ZW10: variants seen among roughly 807,000 people sequenced by gnomAD.
The protein encoded by ZW10 is centromere/kinetochore protein zw10 homolog.
A neutral mutation model predicts 87.8 loss-of-function variants in ZW10; 53 were observed. The ratio of observed to expected loss-of-function variants is 0.60; its 90% CI spans 0.48 to 0.76. The LOEUF (loss-of-function observed/expected upper bound fraction) is 0.76. Among genes scored for constraint, ZW10 ranks in the 30% least tolerant of loss-of-function variants. The pLI is 0.00. For missense variants in ZW10, 837 were observed against 923.0 expected, an observed-to-expected ratio of 0.91 and a Z score of 1.21; for synonymous variants, 312 against 329.2, an observed-to-expected ratio of 0.95 and a Z score of 0.57.
At chr11:113,771,018 G>C (rs4430548) in intron 1 of ZW10, among the ~76,000 whole-genome samples, 18 of 145,856 alleles carry the variant, frequency 1.2e-4, no homozygotes, top group Non-Finnish European at 1.9e-4. Flanking sequence ...CGTCGCCCAG[G>C]CTGGACTGCA....
intron 1 of ZW10, chr11:113,771,672 TTG>T (rs1953969588): frequency 6.6e-6 from 1 of 152,060 alleles, no homozygotes; most frequent in Non-Finnish European, 1.5e-5. Context: ...TAAATTGATT[TTG>T]TTTTTCTTTT....
At chr11:113,766,895 T>C (rs1348270773) in intron 2 of ZW10, among the ~76,000 whole-genome samples, 1 of 151,638 alleles carries the variant, frequency 6.6e-6, no homozygotes, top group African/African-American at 2.4e-5. Flanking sequence ...CACACGCCTG[T>C]AATCCCAGCT....
intron 7 of ZW10, among the ~76,000 whole-genome samples, chr11:113,753,116 G>A (rs1240810934): frequency 1.3e-5 from 2 of 151,770 alleles, no homozygotes; most frequent in Non-Finnish European, 2.9e-5. Flanking sequence ...ATAGATTATT[G>A]CATCACCCAG....
chr11:113,747,585 A>G lies in ZW10; in HGVS notation c.1218T>C (p.Asp406=). The G allele has an allele frequency of 6.2e-7, 1 of 1,613,742 alleles. No individual in the cohort carries two copies. The highest frequency in any genetic ancestry group is 8.5e-7 in the Non-Finnish European group (1 of 1,179,758). Residue 406 remains aspartate, a synonymous_variant, in exon 9 of 16, where the codon GAT becomes GAC. Transcript: ENST00000200135. ...TTAGATTTCTGGCTGCCACAATCAC[A>G]TCCTGGCACTTTTTGTTTGCAAAAT... ...NSHFANKKCQ[D]VIVAARNLMT...
At position 113,760,600 on chromosome 11, in the gene ZW10, T is replaced by C. The variant is rs762137716; in HGVS notation, c.343-10A>G. On this transcript the variant is annotated splice_polypyrimidine_tract_variant and intron_variant, in intron 3 of 15. Transcript: ENST00000200135. ...CAATAGCAGTGGAAAACTGAAAAGT[T>C]AAGTATAATATTTTATACATCCTAT... The C allele has an allele frequency of 5.0e-6, 8 of 1,594,288 alleles. No homozygotes were observed. Among genetic ancestry groups the C allele is most frequent in the Non-Finnish European group, 5.2e-6 (6 of 1,163,324 alleles).
intron 9 of ZW10, among the ~76,000 whole-genome samples, chr11:113,747,098 CCTTTTTATTATTTTAA>C (rs1953686275): frequency 6.6e-6 from 1 of 151,776 alleles, no homozygotes; most frequent in African/African-American, 2.4e-5. Flanking sequence ...TTTTTATTTA[CCTTTTTATTATTTTAA>C]CTTTAAAACT....
At chr11:113,760,483 T>C (rs1953845355) in intron 4 of ZW10, 30 bp downstream of exon 4, 1 of 1,606,690 alleles carries the variant, frequency 6.2e-7, no homozygotes, top group East Asian at 2.2e-5. Context: ...GAGCACTTAT[T>C]GCGCATGCTT....
intron 14 of ZW10, among the ~76,000 whole-genome samples, chr11:113,737,219 G>GA (rs1286881674): frequency 6.6e-6 from 1 of 152,198 alleles, no homozygotes; most frequent in East Asian, 1.9e-4. Context: ...CAGTGTGTTG[G>GA]AAAAATGGAA....
At chr11:113,737,423 A>G in intron 14 of ZW10, 149 bp downstream of exon 14, 1 of 782,790 alleles carries the variant, frequency 1.3e-6, no homozygotes, top group Non-Finnish European at 2.0e-6. Context: ...TTCTAGCAAA[A>G]CAGATATAAA....
chr11:113,769,740 G>C, intron 1 of ZW10: 1 of 422,780 alleles, frequency 2.4e-6, no homozygotes, highest in Non-Finnish European at 4.6e-6. Context: ...AAGGATTAAT[G>C]CCTGTGGTTT....
At chr11:113,771,671 T>A (rs926059285) in intron 1 of ZW10, 5 of 152,126 alleles carry the variant, frequency 3.3e-5, no homozygotes, top group African/African-American at 9.7e-5. Context: ...TTAAATTGAT[T>A]TTGTTTTTCT....
chr11:113,766,560 G>C (rs2134897205), intron 2 of ZW10, among the ~76,000 whole-genome samples: 1 of 150,192 alleles, frequency 6.7e-6, no homozygotes, highest in Admixed American at 6.7e-5. Context: ...TATAGTCCCA[G>C]CTACTCGGGA....
Position 113,758,571 on chromosome 11 carries a change from C to T in ZW10, c.716G>A (p.Ser239Asn), listed in dbSNP as rs769245907. Residue 239 changes from serine (S) to asparagine (N), a missense_variant, in exon 6 of 16, where the codon AGC becomes AAC. Coordinates refer to ENST00000200135, the MANE Select transcript of ZW10 (RefSeq NM_004724.4). ...TGCCTTACCAAATGATTTAAGCTTG[C>T]TGTGTAGTTCTCCAAGAACAGAAAA... ...LAFSVLGELH[S>N]KLKSFGQMLL... 3 of 1,613,880 alleles carry T rather than the reference C, an allele frequency of 1.9e-6. No individual in the cohort carries two copies. The highest frequency in any genetic ancestry group is 2.5e-6 in the Non-Finnish European group (3 of 1,179,934).
intron 7 of ZW10, among the ~76,000 whole-genome samples, chr11:113,753,754 T>C (rs1953756484): frequency 2.0e-5 from 3 of 152,320 alleles, no homozygotes; most frequent in South Asian, 2.1e-4. Flanking sequence ...AAACCCACCA[T>C]GACATTTTCT....
chr11:113,766,237 T>C (rs1450908234), intron 2 of ZW10, among the ~76,000 whole-genome samples: 2 of 151,980 alleles, frequency 1.3e-5, no homozygotes, highest in African/African-American at 2.4e-5. Flanking sequence ...TGATGGCTTA[T>C]ACCTGTAGTC....
chr11:113,739,520 C>G (rs936445791), intron 11 of ZW10, 138 bp from the exon 12 acceptor site: 2 of 716,610 alleles, frequency 2.8e-6, no homozygotes, highest in Non-Finnish European at 2.1e-6. Context: ...TAACAAGATA[C>G]AATCTCATCA....
intron 2 of ZW10, among the ~76,000 whole-genome samples, chr11:113,767,175 A>AT (rs1044218733): frequency 3.1e-5 from 4 of 127,992 alleles, no homozygotes; most frequent in African/African-American, 5.4e-5. Context: ...AACTACGATG[A>AT]TTAAAAAAAA....
At chr11:113,768,740 G>A (rs796968548) in intron 2 of ZW10, 93 bp downstream of exon 2, 4 of 1,334,532 alleles carry the variant, frequency 3.0e-6, no homozygotes, top group Non-Finnish European at 4.1e-6. Context: ...AAAAGTGAGG[G>A]TTTAAAAAGT....
intron 1 of ZW10, among the ~76,000 whole-genome samples, chr11:113,772,547 A>T (rs2134904867): frequency 6.6e-6 from 1 of 152,316 alleles, no homozygotes; most frequent in East Asian, 1.9e-4. Context: ...GCAAGGTAAC[A>T]ATATCAGTAC....
Sources: gnomAD v4.1 joint callset for allele counts (sites outside exome capture counted in the v4.1 genomes callset) on GRCh38, gnomAD v4.1.1 for gene constraint, MANE v1.5 for transcripts, NCBI Gene and HGNC (gene_info 2026-07-23, HGNC 2026-07-21) for gene names.